The following SHFL variants were observed in gnomAD, a reference collection of about 807,000 sequenced individuals.
SHFL encodes shiftless antiviral inhibitor of ribosomal frameshifting protein.
In SHFL, 12 loss-of-function variants were observed where a neutral mutation model predicts 34.7. That is an observed-to-expected ratio of 0.35 (90% confidence interval 0.22 to 0.56). The LOEUF is 0.56. Among genes scored for constraint, SHFL ranks in the 20% least tolerant of loss-of-function variants. SHFL has a pLI of 0.88. For synonymous variants in SHFL, 148 were observed against 156.0 expected, an observed-to-expected ratio of 0.95 and a Z score of 0.38; for missense variants, 278 against 411.1, an observed-to-expected ratio of 0.68 and a Z score of 2.80.
At chr19:10,092,006 C>A in intron 7 of SHFL, 64 bp from the exon 8 acceptor site, 1 of 1,604,002 alleles carries the variant, frequency 6.2e-7, no homozygotes, top group Non-Finnish European at 8.5e-7. Flanking sequence ...TGGCCTAAGT[C>A]CCCTCCTCCC....
intron 3 of SHFL, chr19:10,089,227 G>A: frequency 7.3e-7 from 1 of 1,364,958 alleles, no homozygotes; most frequent in Non-Finnish European, 1.0e-6. Flanking sequence ...GAACCCAGGG[G>A]GCAGGGAGTG....
rs2088427026 is a variant in SHFL at position 10,092,866 on chromosome 19, C to T, written c.*564C>T. On this transcript the variant is annotated 3_prime_UTR_variant, in exon 8 of 8. Coordinates refer to ENST00000253110, the MANE Select transcript of SHFL (RefSeq NM_018381.4). ...CAGTGCAAGGCTTTTGCCAGGCATC[C>T]CCTGGCCCCTCCCATTCTTATTGAA... 2 of 1,114,334 alleles carry T rather than the reference C, an allele frequency of 1.8e-6. No individual in the cohort carries two copies. Among genetic ancestry groups the T allele is most frequent in the Middle Eastern group, 2.8e-4 (1 of 3,622 alleles). The allele number at this position is 1,114,334 out of a possible 1,614,324, so 69.0% of individuals were successfully genotyped here.
intron 3 of SHFL, 41 bp downstream of exon 3, chr19:10,087,341 A>G: frequency 3.1e-6 from 5 of 1,612,324 alleles, no homozygotes; most frequent in Non-Finnish European, 4.2e-6. Flanking sequence ...GGGTCACGGG[A>G]GGGAGAGCAA....
rs888581189 is a variant in SHFL at position 10,086,807 on chromosome 19, G to GC, written c.22-122_22-121insC. ...ATGCCGTAAAGGGATGAAAGGCGGG[G>GC]GGGGGGCGGCGGAGGCCAAAACCAA... On this transcript the variant is annotated intron_variant, in intron 1 of 7. Coordinates refer to ENST00000253110, the MANE Select transcript of SHFL (RefSeq NM_018381.4). The surrounding 1 kb of genome is among the most constrained non-coding windows in gnomAD (Gnocchi z 5.2). The GC allele has an allele frequency of 2.4e-5, 29 of 1,194,888 alleles. 1 individual carries two copies. The Middle Eastern group carries it at 7.0e-4, about 29-fold the overall frequency. 74.0% of individuals were successfully genotyped at this position (1,194,888 alleles called of 1,614,324 possible).
rs1361309633 is a variant in SHFL, at chr19:10,092,312, G to A, written c.*10G>A. On this transcript the variant is annotated 3_prime_UTR_variant, in exon 8 of 8. Transcript: ENST00000253110. ...CGGGCCCAGGGAGTGACCCCTGCCA[G>A]GTGCAGATACAAACCAGACACGGTC... The A allele has an allele frequency of 5.1e-6, 8 of 1,563,990 alleles. No homozygotes were observed. In the Admixed American group the frequency reaches 1.6e-4, roughly 31 times the overall value.
chr19:10,090,816 G>A (rs897090404), intron 5 of SHFL, among the ~76,000 whole-genome samples: 1 of 151,832 alleles, frequency 6.6e-6, no homozygotes, highest in Non-Finnish European at 1.5e-5. Flanking sequence ...GCTGAGGTGG[G>A]AGGATCGTTT....
chr19:10,092,309 C>A lies in SHFL; in HGVS notation c.*7C>A, dbSNP rs371011018. 31 of 1,565,382 alleles carry A rather than the reference C, an allele frequency of 2.0e-5. No individual in the cohort carries two copies. The highest frequency in any genetic ancestry group is 2.7e-5 in the Non-Finnish European group (31 of 1,155,562). ...GGGCGGGCCCAGGGAGTGACCCCTG[C>A]CAGGTGCAGATACAAACCAGACACG... On this transcript the variant is annotated 3_prime_UTR_variant, in exon 8 of 8. Coordinates refer to ENST00000253110, the MANE Select transcript of SHFL (RefSeq NM_018381.4).
At chr19:10,087,366 C>T in intron 3 of SHFL, 66 bp downstream of exon 3, 3 of 1,571,870 alleles carry the variant, frequency 1.9e-6, no homozygotes, top group Non-Finnish European at 2.6e-6. Context: ...GGGGACCCGA[C>T]CCGTTCATGG....
At position 10,089,714 on chromosome 19, in the gene SHFL, C is replaced by T. The variant is rs372496056; in HGVS notation, c.234+19C>T. 7.2e-5 allele frequency: 115 copies of T among 1,593,610 alleles called. No homozygotes were observed. In the African/African-American group the frequency reaches 1.2e-3, roughly 17 times the overall value. ...CATTCAGGTGAGTTGGTGGCTAGGG[C>T]TTGGGATGGGGGAGTTGGGAGGGGG... On this transcript the variant is annotated intron_variant, in intron 4 of 7. Coordinates refer to ENST00000253110, the MANE Select transcript of SHFL (RefSeq NM_018381.4).
chr19:10,087,819 T>TTGAA (rs61613120), intron 3 of SHFL: 28,642 of 155,158 alleles, frequency 0.18, 2,882 homozygotes, highest in East Asian at 0.41. Context: ...AACCCTTGTG[T>TTGAA]TGAATGAATG....
chr19:10,089,243 C>T (rs996184297), intron 3 of SHFL: 2 of 1,517,114 alleles, frequency 1.3e-6, no homozygotes, highest in Non-Finnish European at 1.8e-6. Flanking sequence ...GAGTGGCTTG[C>T]CCAAGTCCCC....
Position 10,092,243 on chromosome 19 carries a change from A to AAGG in SHFL, c.831_833dup (p.Glu281dup), listed in dbSNP as rs569120318. 1.8e-4 allele frequency: 283 copies of AAGG among 1,610,840 alleles called. No individual in the cohort carries two copies. The highest frequency in any genetic ancestry group is 1.6e-3 in the African/African-American group (120 of 74,902). Reference sequence around the variant, plus strand: ...GGACAACCTCATCCTGGAGGACCTGAAGGAGGAGGAGGAGGAAGAGGAGGA... The same window carrying AAGG: ...GGACAACCTCATCCTGGAGGACCTGAAGGAGGAGGAGGAGGAGGAAGAGGAGGA... On this transcript the variant is annotated inframe_insertion, in exon 8 of 8. Coordinates refer to ENST00000253110, the MANE Select transcript of SHFL (RefSeq NM_018381.4).
At position 10,092,872 on chromosome 19, in the gene SHFL, C is replaced by G; in HGVS notation, c.*570C>G. 1 of 1,082,178 alleles carries G rather than the reference C, an allele frequency of 9.2e-7. No individual in the cohort carries two copies. Among genetic ancestry groups the G allele is most frequent in the Non-Finnish European group, 1.3e-6 (1 of 780,202 alleles). 67.0% of individuals were successfully genotyped at this position (1,082,178 alleles called of 1,614,324 possible). A position where few individuals can be genotyped will look rare whatever the true frequency, so the allele number is the denominator to read the frequency against. Reference sequence around the variant, plus strand: ...AAGGCTTTTGCCAGGCATCCCCTGGCCCCTCCCATTCTTATTGAATACAAG... The same window carrying G: ...AAGGCTTTTGCCAGGCATCCCCTGGGCCCTCCCATTCTTATTGAATACAAG... On this transcript the variant is annotated 3_prime_UTR_variant, in exon 8 of 8. Transcript: ENST00000253110.
chr19:10,091,730 C>T lies in SHFL; in HGVS notation c.643+100C>T. The T allele has an allele frequency of 7.1e-7, 1 of 1,409,756 alleles. No individual in the cohort carries two copies. The highest frequency in any genetic ancestry group is 9.5e-7 in the Non-Finnish European group (1 of 1,056,416). 87.3% of individuals were successfully genotyped at this position (1,409,756 alleles called of 1,614,324 possible). A position where few individuals can be genotyped will look rare whatever the true frequency, so the allele number is the denominator to read the frequency against. Reference sequence around the variant, plus strand: ...CAGTCCACTTTGTCTCCCACAGCAGCAGCCACTGCTTCCACATGGCCTCCA... The same window carrying T: ...CAGTCCACTTTGTCTCCCACAGCAGTAGCCACTGCTTCCACATGGCCTCCA... On this transcript the variant is annotated intron_variant, in intron 7 of 7. Transcript: ENST00000253110. This position sits in a 1 kb window ranked among gnomAD's most constrained non-coding sequence, Gnocchi z 8.2.
At chr19:10,089,335 A>G in intron 3 of SHFL, 1 of 1,598,496 alleles carries the variant, frequency 6.3e-7, no homozygotes, top group Non-Finnish European at 8.5e-7. Context: ...CAAAGGGGCG[A>G]TATGTCACAA....
In SHFL at chr19:10,091,641, T is replaced by C; in HGVS notation, c.643+11T>C. The C allele has an allele frequency of 6.5e-7, 1 of 1,543,792 alleles. No individual in the cohort carries two copies. Among genetic ancestry groups the C allele is most frequent in the South Asian group, 1.2e-5 (1 of 83,322 alleles). On this transcript the variant is annotated intron_variant, in intron 7 of 7. Coordinates refer to ENST00000253110, the MANE Select transcript of SHFL (RefSeq NM_018381.4). This position sits in a 1 kb window ranked among gnomAD's most constrained non-coding sequence, Gnocchi z 8.2. ...GCTACAACCGGCGAGGTGAGGCTCT[T>C]CTCCCCCAACAGCCTGGACAGTCTT...
rs1416718001 is a variant in SHFL, at chr19:10,090,054, A to G, written c.384+7A>G. On this transcript the variant is annotated splice_region_variant and intron_variant, in intron 5 of 7. Coordinates refer to ENST00000253110, the MANE Select transcript of SHFL (RefSeq NM_018381.4). ...CGTGCCCCAGCGGAAGGAGGTGATG[A>G]CCTAAAACTTAACCTCGACTTTGAC... is the stretch of plus-strand genomic sequence containing the variant. 6.3e-7 allele frequency: 1 copy of G among 1,597,226 alleles called. No individual in the cohort carries two copies. The highest frequency in any genetic ancestry group is 1.3e-5 in the African/African-American group (1 of 74,582).
intron 5 of SHFL, 76 bp downstream of exon 5, chr19:10,090,123 C>T (rs557374717): frequency 1.5e-5 from 22 of 1,473,696 alleles, no homozygotes; most frequent in Non-Finnish European, 1.9e-5. Context: ...GTGACTGTAC[C>T]TCTGACCTAA....
rs151207105 is a variant in SHFL at position 10,089,637 on chromosome 19, C to T, written c.196-20C>T. 5.5e-4 allele frequency: 872 copies of T among 1,583,488 alleles called. 5 individuals carry two copies. In the African/African-American group the frequency reaches 0.011, roughly 19 times the overall value. On this transcript the variant is annotated intron_variant, in intron 3 of 7. Transcript: ENST00000253110. ...GCCTGAGCCCCATCCCCAGTTTCTG[C>T]CCCTGCTATCTCCACCCAGGATCCA...
Sources: allele counts gnomAD v4.1 joint callset (sites outside exome capture counted in the v4.1 genomes callset), GRCh38; gene constraint gnomAD v4.1.1; non-coding constraint Gnocchi (gnomAD v3.1); transcripts MANE v1.5; gene names NCBI Gene and HGNC (gene_info 2026-07-23, HGNC 2026-07-21).